Variants in NUP188 observed in about 807,000 individuals in gnomAD.
NUP188 encodes nucleoporin NUP188.
Under a neutral mutation model 223.0 loss-of-function variants are expected in NUP188, and 97 were observed. The ratio of observed to expected loss-of-function variants is 0.43; its 90% CI spans 0.37 to 0.51. The LOEUF (loss-of-function observed/expected upper bound fraction) is 0.51. Ranked by LOEUF, NUP188 falls within the 20% of genes least tolerant of loss-of-function variation. The pLI is 0.00. For synonymous variants in NUP188, 869 were observed against 828.0 expected (o/e 1.05, Z -0.85); for missense variants, 1,947 against 2,175.6 (o/e 0.89, Z 2.09).
At chr9:128,991,407 C>T (rs1564562941) in intron 25 of NUP188, among the ~76,000 whole-genome samples, 1 of 152,034 alleles carries the variant, frequency 6.6e-6, no homozygotes, top group Non-Finnish European at 1.5e-5. Flanking sequence ...GTGGCAGGTG[C>T]CTGTAATCCC....
intron 32 of NUP188, 99 bp from the exon 33 acceptor site, chr9:128,999,073 G>A (rs958311023): frequency 5.4e-6 from 5 of 919,188 alleles, no homozygotes; most frequent in East Asian, 2.5e-5. Flanking sequence ...GGCTGGTCTC[G>A]AACTCCTGAC....
intron 15 of NUP188, 122 bp from the exon 16 acceptor site, chr9:128,982,427 C>CAAA: frequency 4.0e-6 from 3 of 757,782 alleles, no homozygotes; most frequent in Non-Finnish European, 5.9e-6. Flanking sequence ...GACTCTGTCT[C>CAAA]AAAAAAAAAA....
chr9:128,988,719 A>AT (rs528821221), intron 24 of NUP188, among the ~76,000 whole-genome samples: 3,658 of 72,972 alleles, frequency 0.05, 407 homozygotes, highest in East Asian at 0.15. Flanking sequence ...TAATTTTTTA[A>AT]TTTTTTTTTT....
At chr9:128,954,222 CT>C (rs926119785) in intron 3 of NUP188, among the ~76,000 whole-genome samples, 19 of 148,058 alleles carry the variant, frequency 1.3e-4, no homozygotes, top group Admixed American at 1.4e-4. Context: ...ATGTCTTAGT[CT>C]TTTTTTTTTG....
chr9:128,982,768 A>G, intron 16 of NUP188, 67 bp downstream of exon 16: 2 of 1,593,204 alleles, frequency 1.3e-6, no homozygotes, highest in Non-Finnish European at 1.7e-6. Context: ...GGATTTAGAA[A>G]ATAGAATATC....
chr9:128,993,665 G>A lies in NUP188; in HGVS notation c.2988G>A (p.Arg996=), dbSNP rs1842468563. ...AFLHALWQDR[R]DSAMLVLRTK... ...TGCATGCTCTGTGGCAGGATCGGAGGGACAGTGCCATGCTGGTCCTCCGAA... is the reference window on the plus strand; with the variant it reads ...TGCATGCTCTGTGGCAGGATCGGAGAGACAGTGCCATGCTGGTCCTCCGAA... The change falls in exon 27 of 44, where the codon AGG becomes AGA. Residue 996 remains arginine, a synonymous_variant. Transcript: ENST00000372577. 6.2e-7 allele frequency: 1 copy of A among 1,614,196 alleles called. No homozygotes were observed. The highest frequency in any genetic ancestry group is 8.5e-7 in the Non-Finnish European group (1 of 1,180,028).
intron 23 of NUP188, 53 bp from the exon 24 acceptor site, chr9:128,987,994 G>A: frequency 6.3e-7 from 1 of 1,587,558 alleles, no homozygotes; most frequent in Non-Finnish European, 8.6e-7. Context: ...CACATATATT[G>A]CGAATGAAGT....
intron 38 of NUP188, chr9:129,004,013 C>T (rs868141378): frequency 9.3e-5 from 19 of 204,322 alleles, no homozygotes; most frequent in Middle Eastern, 1.9e-3. Flanking sequence ...GCAATAGGCT[C>T]ACGCCTGTAA....
Position 128,993,331 on chromosome 9 carries a change from A to G in NUP188, c.2775A>G (p.Ala925=), listed in dbSNP as rs1842462791. 1.9e-6 allele frequency: 3 copies of G among 1,614,096 alleles called. No individual in the cohort carries two copies. The highest frequency in any genetic ancestry group is 2.2e-5 in the South Asian group (2 of 91,088). ...KVMILEFLTV[A]VETQPGLIEL... is the part of the protein sequence containing the mutation. ...TGATTCTAGAGTTCCTCACTGTTGC[A>G]GTAGAGACCCAGCCAGGCCTCATCG... The change falls in exon 26 of 44, where the codon GCA becomes GCG. Residue 925 remains alanine (A), a synonymous_variant. Coordinates refer to ENST00000372577, the MANE Select transcript of NUP188 (RefSeq NM_015354.3).
chr9:128,967,552 G>A (rs1842047561), intron 8 of NUP188, among the ~76,000 whole-genome samples: 1 of 152,018 alleles, frequency 6.6e-6, no homozygotes, highest in African/African-American at 2.4e-5. Flanking sequence ...GCACTCGGGA[G>A]GCCAAGGTGG....
chr9:129,003,535 T>TA, intron 38 of NUP188, 81 bp downstream of exon 38: 1 of 1,467,834 alleles, frequency 6.8e-7, no homozygotes, highest in Non-Finnish European at 9.4e-7. Context: ...GGGGCACTCC[T>TA]AGTGAATTGC....
chr9:128,984,011 G>A (rs944590453), intron 19 of NUP188, among the ~76,000 whole-genome samples: 4 of 151,514 alleles, frequency 2.6e-5, no homozygotes, highest in South Asian at 2.1e-4. Context: ...TAATAGAGAC[G>A]AGGTCTTACC....
Position 128,968,499 on chromosome 9 carries a change from T to C in NUP188, c.586-7T>C. On this transcript the variant is annotated splice_polypyrimidine_tract_variant and splice_region_variant and intron_variant, in intron 8 of 43. Coordinates refer to ENST00000372577, the MANE Select transcript of NUP188 (RefSeq NM_015354.3). ...TCTCTCCCATTTTGTTTTCATTGGT[T>C]GTACAGACAGAGCGCCAAGTGTCTC... The C allele has an allele frequency of 6.2e-7, 1 of 1,611,678 alleles. No homozygotes were observed. The highest frequency in any genetic ancestry group is 8.5e-7 in the Non-Finnish European group (1 of 1,178,094).
chr9:128,961,589 T>TAGATAGATAGATAGATAG (rs1455020145), intron 8 of NUP188, among the ~76,000 whole-genome samples: 9 of 118,976 alleles, frequency 7.6e-5, no homozygotes, highest in African/African-American at 3.8e-4. Flanking sequence ...TATCTATCTA[T>TAGATAGATAGATAGATAG]CTAGATAGAT....
intron 43 of NUP188, 26 bp from the exon 44 acceptor site, chr9:129,006,476 T>C (rs1842810342): frequency 1.9e-6 from 3 of 1,611,472 alleles, no homozygotes; most frequent in South Asian, 1.1e-5. Context: ...GTGCTGAGCC[T>C]CACCAAGCCA....
intron 5 of NUP188, 113 bp from the exon 6 acceptor site, chr9:128,957,897 G>GA (rs1841893568): frequency 1.2e-6 from 1 of 811,802 alleles, no homozygotes; most frequent in Non-Finnish European, 2.0e-6. Context: ...AGTATATGTA[G>GA]AAACAAATGT....
At chr9:129,003,061 T>C in intron 37 of NUP188, 86 bp downstream of exon 37, 1 of 1,457,870 alleles carries the variant, frequency 6.9e-7, no homozygotes, top group African/African-American at 1.4e-5. Context: ...GTGTGGAGCC[T>C]GGGCCTCAGT....
chr9:128,966,127 CCG>C (rs1001318625), intron 8 of NUP188, among the ~76,000 whole-genome samples: 4 of 110,502 alleles, frequency 3.6e-5, no homozygotes, highest in South Asian at 6.9e-4. Context: ...ATTTCTGCCT[CCG>C]TGTGTGTGTG....
rs763556880 is a variant in NUP188, at chr9:128,983,329, T to G, written c.1833T>G (p.Ile611Met). 6.8e-6 allele frequency: 11 copies of G among 1,614,092 alleles called. No homozygotes were observed. The highest frequency in any genetic ancestry group is 3.3e-4 in the Middle Eastern group (2 of 6,084). The change falls in exon 18 of 44, where the codon ATT becomes ATG. Residue 611 changes from isoleucine (I) to methionine (M), a missense_variant. Physicochemically the swap from Ile to Met is conservative, Grantham distance 10. Transcript: ENST00000372577. ...TGATCTCCCCACCTGTGGATGTCAT[T>G]GCTTCTTGTGTCAACTGCTTAACTG... ...TTVISPPVDV[I>M]ASCVNCLTVL...
Sources: allele counts gnomAD v4.1 joint callset (sites outside exome capture counted in the v4.1 genomes callset), GRCh38; gene constraint gnomAD v4.1.1; transcripts MANE v1.5; gene names NCBI Gene and HGNC (gene_info 2026-07-23, HGNC 2026-07-21).